The following TANGO6 variants were observed in gnomAD, a reference collection of about 807,000 sequenced individuals.
The protein encoded by TANGO6 is transport and Golgi organization protein 6 homolog.
Under a neutral mutation model 114.2 loss-of-function variants are expected in TANGO6, and 90 were observed. The ratio of observed to expected loss-of-function variants is 0.79; its 90% CI spans 0.66 to 0.94. The LOEUF (loss-of-function observed/expected upper bound fraction) is 0.94, where lower values mean the gene tolerates loss of function less well. Ranked by LOEUF, TANGO6 falls within the 40% of genes least tolerant of loss-of-function variation. TANGO6 has a pLI of 0.00. For synonymous variants in TANGO6, 477 were observed against 509.8 expected (o/e 0.94, Z 0.87); for missense variants, 1,274 against 1,315.3 (o/e 0.97, Z 0.49).
In TANGO6 at chr16:69,083,470, GTC is replaced by G. The variant is rs774640128; in HGVS notation, c.3109-8_3109-7del. 6.2e-7 allele frequency: 1 copy of G among 1,600,078 alleles called. No homozygotes were observed. Among genetic ancestry groups the G allele is most frequent in the Non-Finnish European group, 8.5e-7 (1 of 1,172,112 alleles). ...GCACAGTAGACAGGCGGTCATGGCTGTCTCTCTCATGCAGGTGCTGAGCGCCG... is the reference window on the plus strand; with the variant it reads ...GCACAGTAGACAGGCGGTCATGGCTGTCTCTCATGCAGGTGCTGAGCGCCG... On this transcript the variant is annotated splice_polypyrimidine_tract_variant and intron_variant, in intron 17 of 17. Transcript: ENST00000261778.
At chr16:69,059,217 A>G (rs968241143) in intron 17 of TANGO6, among the ~76,000 whole-genome samples, 1 of 150,152 alleles carries the variant, frequency 6.7e-6, no homozygotes, top group African/African-American at 2.5e-5. Context: ...TGGGAAGTGT[A>G]CGCCACCACG....
intron 17 of TANGO6, among the ~76,000 whole-genome samples, chr16:69,042,763 G>A (rs986540928): frequency 2.0e-5 from 3 of 152,184 alleles, no homozygotes; most frequent in Non-Finnish European, 4.4e-5. Flanking sequence ...AGGGAGTTAA[G>A]AAGAATCAGT....
intron 17 of TANGO6, among the ~76,000 whole-genome samples, chr16:69,059,723 GT>G (rs1321355803): frequency 6.6e-6 from 1 of 151,998 alleles, no homozygotes; most frequent in African/African-American, 2.4e-5. Context: ...GTTTCACCAT[GT>G]TGGCCTGGCC....
intron 15 of TANGO6, among the ~76,000 whole-genome samples, chr16:68,994,078 A>G (rs1485865562): frequency 6.6e-6 from 1 of 152,208 alleles, no homozygotes; most frequent in Non-Finnish European, 1.5e-5. Flanking sequence ...TTGGAGTTCA[A>G]TGAGCTGTTG....
At chr16:68,955,310 T>C (rs1056876089) in intron 14 of TANGO6, among the ~76,000 whole-genome samples, 3 of 152,200 alleles carry the variant, frequency 2.0e-5, no homozygotes, top group Non-Finnish European at 2.9e-5. Context: ...TTAGATAAAA[T>C]TGAATGTATC....
intron 8 of TANGO6, among the ~76,000 whole-genome samples, chr16:68,901,278 G>A (rs187250422): frequency 1.4e-4 from 21 of 152,234 alleles, no homozygotes; most frequent in Middle Eastern, 3.4e-3. Context: ...CTCAATAAAT[G>A]GTAGCTATCA....
rs199654608 is a variant in TANGO6 at position 69,024,883 on chromosome 16, CT to C, written c.2994+1905del. Among the ~76,000 whole-genome samples, 1,434 of 152,228 alleles carry C rather than the reference CT, an allele frequency of 9.4e-3. 19 individuals are homozygous for C. The highest frequency in any genetic ancestry group is 0.033 in the African/African-American group (1,359 of 41,522). On this transcript the variant is annotated intron_variant, in intron 16 of 17. Coordinates refer to ENST00000261778, the MANE Select transcript of TANGO6 (RefSeq NM_024562.2). Reference sequence around the variant, plus strand: ...AGTGCGGTGGTGCAGTCTCGGCACACTGCAACCTCCACCTTCCAGGTTCAAG... The same window carrying C: ...AGTGCGGTGGTGCAGTCTCGGCACACGCAACCTCCACCTTCCAGGTTCAAG...
intron 14 of TANGO6, chr16:68,973,064 C>T (rs1324107764): frequency 2.2e-6 from 1 of 452,938 alleles, no homozygotes; most frequent in Non-Finnish European, 4.4e-6. Flanking sequence ...AGGGAAACCA[C>T]TGAGGGGTCT....
chr16:69,031,019 A>G (rs1249034667), intron 16 of TANGO6, among the ~76,000 whole-genome samples: 1 of 152,030 alleles, frequency 6.6e-6, no homozygotes, highest in Non-Finnish European at 1.5e-5. Context: ...TCGCACCACT[A>G]CACTCCAGCC....
At position 68,974,144 on chromosome 16, in the gene TANGO6, C is replaced by T; in HGVS notation, c.2818C>T (p.Leu940Phe). ...GACCAGAATGAAAGTCGGGGAAGTC[C>T]TTATGCGAATCGTCAGGGCATTAGG... is the stretch of plus-strand genomic sequence containing the variant. ...PETRMKVGEV[L>F]MRIVRALGDM... Residue 940 changes from leucine (L) to phenylalanine (F), a missense_variant, in exon 15 of 18, where the codon CTT becomes TTT. Leu to Phe is a conservative substitution (Grantham distance 22). Around this residue, in one of 5 missense-constraint regions of TANGO6, gnomAD observed 238 missense variants for 252.9 expected, o/e 0.94. Transcript: ENST00000261778. 6.2e-7 allele frequency: 1 copy of T among 1,613,952 alleles called. No individual in the cohort carries two copies. Among genetic ancestry groups the T allele is most frequent in the Non-Finnish European group, 8.5e-7 (1 of 1,179,880 alleles).
At chr16:68,970,667 CAAAAA>C (rs11291012) in intron 14 of TANGO6, among the ~76,000 whole-genome samples, 12 of 110,606 alleles carry the variant, frequency 1.1e-4, no homozygotes, top group African/African-American at 3.2e-4. Flanking sequence ...AACTTCGTCT[CAAAAA>C]AAAAAAAAAA....
At chr16:68,895,276 A>G (rs7198859) in intron 7 of TANGO6, among the ~76,000 whole-genome samples, 41,729 of 151,988 alleles carry the variant, frequency 0.27, 7,306 homozygotes, top group African/African-American at 0.51. Context: ...TTGAACCCGG[A>G]AGGTGTAGGT....
At chr16:68,902,870 G>A (rs1171372580) in intron 9 of TANGO6, among the ~76,000 whole-genome samples, 3 of 152,164 alleles carry the variant, frequency 2.0e-5, no homozygotes, top group African/African-American at 7.2e-5. Flanking sequence ...TGTGTTTATA[G>A]TCAGACTTAT....
intron 14 of TANGO6, among the ~76,000 whole-genome samples, chr16:68,970,383 A>T (rs1247363650): frequency 6.6e-6 from 1 of 152,162 alleles, no homozygotes; most frequent in Non-Finnish European, 1.5e-5. Context: ...AAACAACAGT[A>T]AGGGCCCGGC....
At chr16:68,930,745 C>T (rs1963229076) in intron 14 of TANGO6, among the ~76,000 whole-genome samples, 1 of 150,918 alleles carries the variant, frequency 6.6e-6, no homozygotes, top group Non-Finnish European at 1.5e-5. Context: ...AAGTGATTCT[C>T]CTGCCTCAGC....
chr16:69,074,557 ATACTT>A (rs1218925836), intron 17 of TANGO6, among the ~76,000 whole-genome samples: 2 of 152,188 alleles, frequency 1.3e-5, no homozygotes, highest in African/African-American at 2.4e-5. Flanking sequence ...CTCAATTACT[ATACTT>A]TACAAGTATC....
chr16:69,080,412 T>C (rs1960446771), intron 17 of TANGO6, among the ~76,000 whole-genome samples: 1 of 151,974 alleles, frequency 6.6e-6, no homozygotes, highest in African/African-American at 2.4e-5. Flanking sequence ...ATGCCAAGCA[T>C]GGTGGTGTAT....
At chr16:69,063,734 TATC>T (rs1289715361) in intron 17 of TANGO6, among the ~76,000 whole-genome samples, 1 of 147,938 alleles carries the variant, frequency 6.8e-6, no homozygotes, top group Non-Finnish European at 1.5e-5. Flanking sequence ...AGAATGATGG[TATC>T]ATTCAGAGGC....
At chr16:69,017,422 A>G (rs1959318617) in intron 15 of TANGO6, among the ~76,000 whole-genome samples, 1 of 152,180 alleles carries the variant, frequency 6.6e-6, no homozygotes, top group Non-Finnish European at 1.5e-5. Context: ...ATTAGTAAAC[A>G]TTAAAATGTT....
Sources: gnomAD v4.1 joint callset for allele counts (sites outside exome capture counted in the v4.1 genomes callset) on GRCh38, gnomAD v4.1.1 for gene constraint, gnomAD v4.1.1 regional missense constraint, MANE v1.5 for transcripts, NCBI Gene and HGNC (gene_info 2026-07-23, HGNC 2026-07-21) for gene names.